The following SLC15A4 variants were observed in gnomAD, a reference collection of about 807,000 sequenced individuals.
SLC15A4 encodes the protein solute carrier family 15 member 4.
Under a neutral mutation model 46.1 loss-of-function variants are expected in SLC15A4, and 26 were observed. The ratio of observed to expected loss-of-function variants is 0.56; its 90% CI spans 0.41 to 0.78. The LOEUF (loss-of-function observed/expected upper bound fraction) is 0.78. Ranked by LOEUF, SLC15A4 falls within the 30% of genes least tolerant of loss-of-function variation. The probability of loss-of-function intolerance (pLI) is 0.00; values close to 1 mark genes in which losing one functional copy is unlikely to be tolerated. For synonymous variants in SLC15A4, 370 were observed against 333.4 expected, an observed-to-expected ratio of 1.11 and a Z score of -1.20; for missense variants, 751 against 755.7, an observed-to-expected ratio of 0.99 and a Z score of 0.07.
chr12:128,811,582 GT>G (rs1348574904), intron 2 of SLC15A4, among the ~76,000 whole-genome samples: 33 of 152,268 alleles, frequency 2.2e-4, no homozygotes, highest in African/African-American at 7.9e-4. Flanking sequence ...ACACCCAAAA[GT>G]GAAAATAAAT....
At chr12:128,812,042 A>AC (rs1955664351) in intron 2 of SLC15A4, among the ~76,000 whole-genome samples, 1 of 152,200 alleles carries the variant, frequency 6.6e-6, no homozygotes, top group Non-Finnish European at 1.5e-5. Context: ...GGCCGCATGT[A>AC]GGTGTGTGTA....
intron 5 of SLC15A4, among the ~76,000 whole-genome samples, chr12:128,806,263 A>G (rs1043926068): frequency 2.0e-5 from 3 of 152,082 alleles, no homozygotes; most frequent in African/African-American, 7.2e-5. Flanking sequence ...ATGGGGATCC[A>G]GGTAAACCAT....
Position 128,823,647 on chromosome 12 carries a change from C to G in SLC15A4, c.297G>C (p.Arg99=). 1 of 1,489,126 alleles carries G rather than the reference C, an allele frequency of 6.7e-7. No individual in the cohort carries two copies. The highest frequency in any genetic ancestry group is 1.3e-5 in the South Asian group (1 of 79,716). 92.2% of individuals were successfully genotyped at this position (1,489,126 alleles called of 1,614,324 possible). The change falls in exon 1 of 8, where the codon CGG becomes CGC. Residue 99 remains arginine (R), a synonymous_variant. Coordinates refer to ENST00000266771, the MANE Select transcript of SLC15A4 (RefSeq NM_145648.4). The part of the protein sequence containing the change: ...SPFGGWLADA[R]LGRARAILLS... ...GCAGGATGGCGCGCGCCCGGCCCAG[C>G]CGCGCGTCGGCCAGCCAGCCTCCGA... is the stretch of plus-strand genomic sequence containing the variant.
At chr12:128,822,517 A>G (rs1011063706) in intron 1 of SLC15A4, among the ~76,000 whole-genome samples, 1 of 152,190 alleles carries the variant, frequency 6.6e-6, no homozygotes, top group Admixed American at 6.5e-5. Context: ...GGGCCTGAAC[A>G]TAGAAGGGTC....
intron 5 of SLC15A4, among the ~76,000 whole-genome samples, chr12:128,803,362 T>C (rs79395343): frequency 6.6e-6 from 1 of 152,232 alleles, no homozygotes; most frequent in East Asian, 1.9e-4. Flanking sequence ...ATAGGTGCCA[T>C]GTATGAATTG....
chr12:128,823,702 A>G lies in SLC15A4; in HGVS notation c.242T>C (p.Phe81Ser). The change falls in exon 1 of 8, where the codon TTC becomes TCC. Residue 81 changes from phenylalanine (F) to serine (S), a missense_variant. Transcript: ENST00000266771. ...CGAGCCCAGGTAGGTGAGGCCCATGAAGAGCAGCAGCGCCTCGCTGGCCTG... is the reference window on the plus strand; with the variant it reads ...CGAGCCCAGGTAGGTGAGGCCCATGGAGAGCAGCAGCGCCTCGCTGGCCTG... Reference protein sequence around the residue: ...GAQASEALLLFMGLTYLGSPF... With the variant: ...GAQASEALLLSMGLTYLGSPF... 1 of 1,527,686 alleles carries G rather than the reference A, an allele frequency of 6.5e-7. No individual in the cohort carries two copies. The highest frequency in any genetic ancestry group is 2.0e-5 in the Admixed American group (1 of 50,450). 94.6% of individuals were successfully genotyped at this position (1,527,686 alleles called of 1,614,324 possible). A position where few individuals can be genotyped will look rare whatever the true frequency, so the allele number is the denominator to read the frequency against.
intron 5 of SLC15A4, among the ~76,000 whole-genome samples, chr12:128,806,275 A>G (rs888954260): frequency 1.3e-5 from 2 of 152,164 alleles, no homozygotes; most frequent in African/African-American, 4.8e-5. Flanking sequence ...GTAAACCATG[A>G]CCCACCTAAG....
chr12:128,810,792 C>G (rs1342580200), intron 2 of SLC15A4, among the ~76,000 whole-genome samples: 1 of 152,128 alleles, frequency 6.6e-6, no homozygotes, highest in African/African-American at 2.4e-5. Context: ...CCATGTGCTC[C>G]CTCATTAACC....
In SLC15A4 at chr12:128,809,481, TA is replaced by T; in HGVS notation, c.1012-9del. The stretch of plus-strand genomic sequence containing the variant: ...AACATATGTTGTCTGCATCTAGGTA[TA>T]AAAAACAGTATCATTATATGTGGAC... On this transcript the variant is annotated splice_polypyrimidine_tract_variant and intron_variant, in intron 3 of 7. Coordinates refer to ENST00000266771, the MANE Select transcript of SLC15A4 (RefSeq NM_145648.4). The T allele has an allele frequency of 6.3e-7, 1 of 1,577,286 alleles. No individual in the cohort carries two copies. Among genetic ancestry groups the T allele is most frequent in the Non-Finnish European group, 8.7e-7 (1 of 1,153,662 alleles).
At chr12:128,821,398 G>A (rs965494694) in intron 1 of SLC15A4, among the ~76,000 whole-genome samples, 1 of 152,188 alleles carries the variant, frequency 6.6e-6, no homozygotes, top group East Asian at 1.9e-4. Context: ...TTCACATTTT[G>A]AGTTCTATGA....
rs376227064 is a variant in SLC15A4, at chr12:128,794,291, G to A, written c.1639C>T (p.Leu547Phe). The A allele has an allele frequency of 2.5e-6, 4 of 1,613,790 alleles. No homozygotes were observed. Among genetic ancestry groups the A allele is most frequent in the East Asian group, 4.5e-5 (2 of 44,896 alleles). Residue 547 changes from leucine to phenylalanine, a missense_variant, in exon 8 of 8, where the codon CTC (leucine) becomes TTC (phenylalanine). Transcript: ENST00000266771. ...FLLAAIQGAT[L>F]LLFLIISVKY... ...ACAGAAATAATGAGGAAAAGCAGGA[G>A]GGTAGCTCCTTGAATAGCAGCCAGA...
intron 7 of SLC15A4, among the ~76,000 whole-genome samples, chr12:128,798,025 A>C (rs1955467400): frequency 6.6e-6 from 1 of 152,222 alleles, no homozygotes; most frequent in African/African-American, 2.4e-5. Context: ...AAGTCCACAA[A>C]CAACCTGTCA....
rs529211510 is a variant in SLC15A4, at chr12:128,823,806, C to T, written c.138G>A (p.Leu46=). Residue 46 remains leucine, a synonymous_variant, in exon 1 of 8, where the codon CTG becomes CTA. Transcript: ENST00000266771. ...ACGAVLLTEL[L]ERAAFYGITS... ...TGATGCCGTAGAAAGCGGCGCGCTC[C>T]AGCAGCTCCGTCAGCAGCACGGCCC... is the stretch of plus-strand genomic sequence containing the variant. The T allele has an allele frequency of 1.1e-5, 17 of 1,491,432 alleles. 1 individual carries two copies. The South Asian group carries it at 2.1e-4, about 19-fold the overall frequency. 92.4% of individuals were successfully genotyped at this position (1,491,432 alleles called of 1,614,324 possible). A position where few individuals can be genotyped will look rare whatever the true frequency, so the allele number is the denominator to read the frequency against.
intron 6 of SLC15A4, among the ~76,000 whole-genome samples, chr12:128,800,312 C>T (rs1166123250): frequency 6.6e-6 from 1 of 152,230 alleles, no homozygotes; most frequent in South Asian, 2.1e-4. Flanking sequence ...AAAACCACCA[C>T]TGACTACTAC....
At position 128,796,458 on chromosome 12, in the gene SLC15A4, A is replaced by AAAAAAC. The variant is rs1176888407; in HGVS notation, c.1574-2103_1574-2102insGTTTTT. On this transcript the variant is annotated intron_variant, in intron 7 of 7. Transcript: ENST00000266771. Reference sequence around the variant, plus strand: ...AAAAAAAAAAAAAAAAAAAAAAAAAACCCACACATCTGTATGGTGAGATCT... The same window carrying AAAAAAC: ...AAAAAAAAAAAAAAAAAAAAAAAAAAAAAAACCCCACACATCTGTATGGTGAGATCT... Among the ~76,000 whole-genome samples the AAAAAAC allele has an allele frequency of 1.0e-3, 36 of 34,658 alleles. 1 individual carries two copies. In the East Asian group the frequency reaches 0.012, roughly 11 times the overall value. 22.7% of individuals were successfully genotyped at this position (34,658 alleles called of 152,430 possible). A position where few individuals can be genotyped will look rare whatever the true frequency, so the allele number is the denominator to read the frequency against.
Position 128,799,376 on chromosome 12 carries a change from T to C in SLC15A4, c.1456A>G (p.Ser486Gly). 6.2e-7 allele frequency: 1 copy of C among 1,614,206 alleles called. No individual in the cohort carries two copies. ...AAAAAGAACAAGCCCATTATGGCAC[T>C]CTGCATGGACTTGGGGGCAGCTGAG... ...AYSAAPKSMQ[S>G]AIMGLFFFFS... is the part of the protein sequence containing the mutation. The change falls in exon 7 of 8, where the codon AGT (serine) becomes GGT (glycine). Residue 486 changes from serine to glycine, a missense_variant. Physicochemically the swap from Ser to Gly is moderately conservative, Grantham distance 56. Coordinates refer to ENST00000266771, the MANE Select transcript of SLC15A4 (RefSeq NM_145648.4).
At chr12:128,820,355 T>C (rs1163647711) in intron 1 of SLC15A4, among the ~76,000 whole-genome samples, 1 of 152,220 alleles carries the variant, frequency 6.6e-6, no homozygotes, top group Non-Finnish European at 1.5e-5. Flanking sequence ...TCCTCATCAG[T>C]AAAGTGGATC....
chr12:128,806,902 C>CTTTTTTT (rs34407311), intron 5 of SLC15A4, among the ~76,000 whole-genome samples: 4 of 108,286 alleles, frequency 3.7e-5, no homozygotes, highest in South Asian at 3.8e-4. Context: ...TTTGCTAGCG[C>CTTTTTTT]TTTTTTTTTT....
chr12:128,800,886 A>G lies in SLC15A4; in HGVS notation c.1382T>C (p.Ile461Thr), dbSNP rs1163524959. ...ACTTGCAAAGATCTCGCTGATCCCAATCAGCAAGTACTGCGGCACCTGCCA... is the reference window on the plus strand; with the variant it reads ...ACTTGCAAAGATCTCGCTGATCCCAGTCAGCAAGTACTGCGGCACCTGCCA... Reference protein sequence around the residue: ...LWWQVPQYLLIGISEIFASIA... With the variant: ...LWWQVPQYLLTGISEIFASIA... The change falls in exon 6 of 8, where the codon ATT becomes ACT. Residue 461 changes from isoleucine to threonine, a missense_variant. Transcript: ENST00000266771. 1.2e-6 allele frequency: 2 copies of G among 1,613,344 alleles called. No homozygotes were observed.
Sources: allele counts gnomAD v4.1 joint callset (sites outside exome capture counted in the v4.1 genomes callset), GRCh38; gene constraint gnomAD v4.1.1; transcripts MANE v1.5; gene names NCBI Gene and HGNC (gene_info 2026-07-23, HGNC 2026-07-21).